The following ARMCX1 variants were observed in gnomAD, a reference collection of about 807,000 sequenced individuals.
ARMCX1 encodes armadillo repeat containing X-linked 1.
Under a neutral mutation model 15.4 loss-of-function variants are expected in ARMCX1, and 4 were observed. The observed-to-expected ratio is 0.26, with a 90% CI of 0.13 to 0.59. ARMCX1 has a LOEUF of 0.59. Among genes scored for constraint, ARMCX1 ranks in the 20% least tolerant of loss-of-function variants. ARMCX1 has a pLI of 0.89. For synonymous variants in ARMCX1, 144 were observed against 130.5 expected, an observed-to-expected ratio of 1.10 and a Z score of -0.71; for missense variants, 273 against 337.1, an observed-to-expected ratio of 0.81 and a Z score of 1.49.
chrX:101,552,811 C>T lies in ARMCX1; in HGVS notation c.-120C>T. 1 of 811,600 alleles carries T rather than the reference C, an allele frequency of 1.2e-6. No individual in the cohort carries two copies. Among genetic ancestry groups the T allele is most frequent in the East Asian group, 3.3e-5 (1 of 30,085 alleles). The allele number at this position is 811,600 out of a possible 1,213,427, so 66.9% of individuals were successfully genotyped here. A position where few individuals can be genotyped will look rare whatever the true frequency, so the allele number is the denominator to read the frequency against. ...TGAAATGCATCCTTTATTCCTAGGTCGAGCTGCCTCAGAGCCGGCCCGCAG... is the reference window on the plus strand; with the variant it reads ...TGAAATGCATCCTTTATTCCTAGGTTGAGCTGCCTCAGAGCCGGCCCGCAG... On this transcript the variant is annotated splice_region_variant and 5_prime_UTR_variant, in exon 4 of 4. Transcript: ENST00000372829.
intron 2 of ARMCX1, among the ~76,000 whole-genome samples, 185 bp downstream of exon 2, chrX:101,551,209 G>C (rs1935376485): frequency 9.0e-6 from 1 of 110,683 alleles, no homozygotes; most frequent in Admixed American, 9.6e-5. Flanking sequence ...GGGTGCGTTG[G>C]GGAGAGGAAT....
rs41307264 is a variant in ARMCX1, at chrX:101,552,867, C to T, written c.-64C>T. ...GCAGACTCCGCCCGCGACGTGTGCG[C>T]GCTTCTCTGGGCCAGAGCGAGCCTG... On this transcript the variant is annotated 5_prime_UTR_variant, in exon 4 of 4. Transcript: ENST00000372829. 5.2e-5 allele frequency: 59 copies of T among 1,145,130 alleles called. No homozygotes were observed. Among genetic ancestry groups the T allele is most frequent in the Non-Finnish European group, 6.6e-5 (57 of 858,167 alleles). 94.4% of individuals were successfully genotyped at this position (1,145,130 alleles called of 1,213,427 possible).
chrX:101,552,827 C>G lies in ARMCX1; in HGVS notation c.-104C>G. 2.1e-6 allele frequency: 2 copies of G among 971,809 alleles called. No homozygotes were observed. Among genetic ancestry groups the G allele is most frequent in the Non-Finnish European group, 2.8e-6 (2 of 718,776 alleles). 80.1% of individuals were successfully genotyped at this position (971,809 alleles called of 1,213,427 possible). A position where few individuals can be genotyped will look rare whatever the true frequency, so the allele number is the denominator to read the frequency against. On this transcript the variant is annotated 5_prime_UTR_variant, in exon 4 of 4. Coordinates refer to ENST00000372829, the MANE Select transcript of ARMCX1 (RefSeq NM_016608.2). ...TTCCTAGGTCGAGCTGCCTCAGAGCCGGCCCGCAGTAGCTGCAGACTCCGC... is the reference window on the plus strand; with the variant it reads ...TTCCTAGGTCGAGCTGCCTCAGAGCGGGCCCGCAGTAGCTGCAGACTCCGC...
chrX:101,550,824 C>T (rs1935371293), intron 1 of ARMCX1, 147 bp from the exon 2 acceptor site: 1 of 111,649 alleles, frequency 9.0e-6, no homozygotes, highest in Non-Finnish European at 1.9e-5. Flanking sequence ...AGGGGCGACC[C>T]CAGACTCGGG....
chrX:101,551,283 G>C (rs1935377839), intron 2 of ARMCX1, among the ~76,000 whole-genome samples: 1 of 109,843 alleles, frequency 9.1e-6, no homozygotes, highest in African/African-American at 3.3e-5. Flanking sequence ...GCCCCGCCCC[G>C]CTTCCAGTGG....
chrX:101,552,744 C>T, intron 3 of ARMCX1, 65 bp from the exon 4 acceptor site: 1 of 422,799 alleles, frequency 2.4e-6, no homozygotes. Flanking sequence ...GTTGTTGTTT[C>T]AGTCTGTTTG....
intron 2 of ARMCX1, among the ~76,000 whole-genome samples, chrX:101,551,273 G>C: frequency 9.1e-6 from 1 of 109,361 alleles, no homozygotes; most frequent in Non-Finnish European, 1.9e-5. Context: ...ATCCCCCCTC[G>C]CCCCGCCCCG....
chrX:101,554,095 A>G lies in ARMCX1; in HGVS notation c.1165A>G (p.Ile389Val). 1 of 1,207,538 alleles carries G rather than the reference A, an allele frequency of 8.3e-7. No homozygotes were observed. The highest frequency in any genetic ancestry group is 1.1e-6 in the Non-Finnish European group (1 of 893,132). ...ATGGGATAGAGAGATTCTTCTTAAT[A>G]TCCTTACCCTATTTGAGAATATAAA... ...KEWDREILLN[I>V]LTLFENINDN... The change falls in exon 4 of 4, where the codon ATC becomes GTC. Residue 389 changes from isoleucine (I) to valine (V), a missense_variant. Physicochemically the swap from Ile to Val is conservative, Grantham distance 29 (BLOSUM62 3). Transcript: ENST00000372829.
rs1556027200 is a variant in ARMCX1, at chrX:101,552,878, G to A, written c.-53G>A. The A allele has an allele frequency of 1.7e-6, 2 of 1,163,543 alleles. No homozygotes were observed. Among genetic ancestry groups the A allele is most frequent in the Non-Finnish European group, 1.1e-6 (1 of 869,966 alleles). On this transcript the variant is annotated 5_prime_UTR_variant, in exon 4 of 4. Transcript: ENST00000372829. ...CCGCGACGTGTGCGCGCTTCTCTGG[G>A]CCAGAGCGAGCCTGTTTTGTGCTCG... is the stretch of plus-strand genomic sequence containing the variant.
Position 101,553,243 on chromosome X carries a change from G to GAGGCCA in ARMCX1, c.325_330dup (p.Lys109_Ala110dup). The GAGGCCA allele has an allele frequency of 1.7e-6, 2 of 1,210,648 alleles. No homozygotes were observed. Among genetic ancestry groups the GAGGCCA allele is most frequent in the Non-Finnish European group, 2.2e-6 (2 of 895,360 alleles). ...AGGATCCCACAGCGGAGGTGGCCTA[G>GAGGCCA]AGGCCAAGGCCAAGGCCCTTTTCAA... is the stretch of plus-strand genomic sequence containing the variant. On this transcript the variant is annotated inframe_insertion, in exon 4 of 4. Coordinates refer to ENST00000372829, the MANE Select transcript of ARMCX1 (RefSeq NM_016608.2).
In ARMCX1 at chrX:101,553,860, A is replaced by G; in HGVS notation, c.930A>G (p.Arg310=). The G allele has an allele frequency of 1.7e-6, 2 of 1,211,564 alleles. No individual in the cohort carries two copies. The highest frequency in any genetic ancestry group is 2.2e-6 in the Non-Finnish European group (2 of 895,281). The change falls in exon 4 of 4, where the codon AGA becomes AGG. Residue 310 remains arginine (R), a synonymous_variant. Coordinates refer to ENST00000372829, the MANE Select transcript of ARMCX1 (RefSeq NM_016608.2). ...LDSAVQMAGL[R]LLTNMTVTNH... ...CAGCTGTGCAGATGGCTGGGCTAAG[A>G]CTGTTAACCAACATGACTGTGACTA...
chrX:101,554,092 A>C lies in ARMCX1; in HGVS notation c.1162A>C (p.Asn388His). Residue 388 changes from asparagine to histidine, a missense_variant, in exon 4 of 4, where the codon AAT becomes CAT. Asn to His is a moderately conservative substitution (Grantham distance 68, BLOSUM62 1). Coordinates refer to ENST00000372829, the MANE Select transcript of ARMCX1 (RefSeq NM_016608.2). The stretch of plus-strand genomic sequence containing the variant: ...AGAATGGGATAGAGAGATTCTTCTT[A>C]ATATCCTTACCCTATTTGAGAATAT... The part of the protein sequence containing the change: ...NKEWDREILL[N>H]ILTLFENIND... The C allele has an allele frequency of 8.3e-7, 1 of 1,207,840 alleles. No homozygotes were observed. Among genetic ancestry groups the C allele is most frequent in the Non-Finnish European group, 1.1e-6 (1 of 892,403 alleles).
At chrX:101,551,921 T>C (rs1935383209) in intron 3 of ARMCX1, among the ~76,000 whole-genome samples, 1 of 102,194 alleles carries the variant, frequency 9.8e-6, no homozygotes, top group Non-Finnish European at 2.0e-5. Flanking sequence ...CTTCTGAAGT[T>C]TGTCAGTCTT....
chrX:101,552,869 C>T lies in ARMCX1; in HGVS notation c.-62C>T. 1 of 1,151,382 alleles carries T rather than the reference C, an allele frequency of 8.7e-7. No individual in the cohort carries two copies. The highest frequency in any genetic ancestry group is 3.0e-5 in the East Asian group (1 of 33,364). The allele number at this position is 1,151,382 out of a possible 1,213,427, so 94.9% of individuals were successfully genotyped here. On this transcript the variant is annotated 5_prime_UTR_variant, in exon 4 of 4. Transcript: ENST00000372829. ...AGACTCCGCCCGCGACGTGTGCGCG[C>T]TTCTCTGGGCCAGAGCGAGCCTGTT...
At position 101,552,046 on chromosome X, in the gene ARMCX1, T is replaced by G. The variant is rs191725897; in HGVS notation, c.-123+413T>G. Among the ~76,000 whole-genome samples, 217 of 92,697 alleles carry G rather than the reference T, an allele frequency of 2.3e-3. 1 individual carries two copies. The highest frequency in any genetic ancestry group is 8.4e-3 in the African/African-American group (211 of 24,985). 80.5% of individuals were successfully genotyped at this position (92,697 alleles called of 115,157 possible). On this transcript the variant is annotated intron_variant, in intron 3 of 3. Transcript: ENST00000372829. Reference sequence around the variant, plus strand: ...GGGGGGGCGGCGGTGTCCTGGTACATTTGAGATGGAGGAGTTGGCGGAGGC... The same window carrying G: ...GGGGGGGCGGCGGTGTCCTGGTACAGTTGAGATGGAGGAGTTGGCGGAGGC...
chrX:101,553,694 T>G lies in ARMCX1; in HGVS notation c.764T>G (p.Leu255Arg). Residue 255 changes from leucine to arginine, a missense_variant, in exon 4 of 4, where the codon CTG becomes CGG. Transcript: ENST00000372829. ...GGTGGTGTCCCAATTATTGCAAAAC[T>G]GATAAAAACAAAAGACCCCATAATT... ...ELGGVPIIAK[L>R]IKTKDPIIRE... 1 of 1,211,104 alleles carries G rather than the reference T, an allele frequency of 8.3e-7. No homozygotes were observed. The highest frequency in any genetic ancestry group is 1.7e-5 in the African/African-American group (1 of 57,665).
chrX:101,554,255 T>C lies in ARMCX1; in HGVS notation c.1325T>C (p.Val442Ala). ...KALANHNDLV[V>A]KVKVLKVLTK... is the part of the protein sequence containing the mutation. The stretch of plus-strand genomic sequence containing the variant: ...CTAGCAAATCACAATGATCTGGTGG[T>C]GAAAGTAAAAGTCCTGAAAGTATTA... Residue 442 changes from valine to alanine, a missense_variant, in exon 4 of 4, where the codon GTG (valine) becomes GCG (alanine). Val to Ala is a moderately conservative substitution (Grantham distance 64). Transcript: ENST00000372829. 1 of 1,195,806 alleles carries C rather than the reference T, an allele frequency of 8.4e-7. No individual in the cohort carries two copies. The highest frequency in any genetic ancestry group is 1.1e-6 in the Non-Finnish European group (1 of 890,282).
At position 101,552,913 on chromosome X, in the gene ARMCX1, A is replaced by G; in HGVS notation, c.-18A>G. Reference sequence around the variant, plus strand: ...GCCTGTTTTGTGCTCGGGTTAAGAGATTTGTCCCAGCTATACCATGGGCCG... The same window carrying G: ...GCCTGTTTTGTGCTCGGGTTAAGAGGTTTGTCCCAGCTATACCATGGGCCG... On this transcript the variant is annotated 5_prime_UTR_variant, in exon 4 of 4. Transcript: ENST00000372829. 8.4e-7 allele frequency: 1 copy of G among 1,197,123 alleles called. No homozygotes were observed.
intron 1 of ARMCX1, 21 bp from the exon 2 acceptor site, chrX:101,550,950 G>A (rs1208985890): frequency 2.7e-5 from 3 of 110,842 alleles, no homozygotes; most frequent in African/African-American, 9.9e-5. Context: ...GCGTCTGACA[G>A]TCATACCCCT....
Sources: gnomAD v4.1 joint callset for allele counts (sites outside exome capture counted in the v4.1 genomes callset) on GRCh38, gnomAD v4.1.1 for gene constraint, MANE v1.5 for transcripts, NCBI Gene and HGNC (gene_info 2026-07-23, HGNC 2026-07-21) for gene names.